The following CHD4 variants were observed in gnomAD, a reference collection of about 807,000 sequenced individuals.
The protein encoded by CHD4 is ATP-dependent chromatin remodeler CHD4.
A neutral mutation model predicts 235.5 loss-of-function variants in CHD4; 35 were observed. The observed-to-expected ratio is 0.15, with a 90% CI of 0.11 to 0.20. CHD4 has a LOEUF of 0.20. Among genes scored for constraint, CHD4 ranks in the 10% least tolerant of loss-of-function variants. CHD4 has a pLI of 1.00. For synonymous variants in CHD4, 900 were observed against 850.2 expected, an observed-to-expected ratio of 1.06 and a Z score of -1.02; for missense variants, 1,329 against 2,432.3, an observed-to-expected ratio of 0.55 and a Z score of 9.54.
chr12:6,606,680 A>C, intron 1 of CHD4: 1 of 267,844 alleles, frequency 3.7e-6, no homozygotes. Context: ...GGCTGGTGCA[A>C]GCGCGGGGAG....
Position 6,581,279 on chromosome 12 carries a change from C to A in CHD4, c.4779+12G>T. On this transcript the variant is annotated intron_variant, in intron 32 of 39. Coordinates refer to ENST00000544040, the MANE Select transcript of CHD4 (RefSeq NM_001273.5). Reference sequence around the variant, plus strand: ...TGTCTTTAGTATGGCATTCAGTCACCCCATCTCTTACCTCAATGGCAGTCT... The same window carrying A: ...TGTCTTTAGTATGGCATTCAGTCACACCATCTCTTACCTCAATGGCAGTCT... 1.9e-6 allele frequency: 3 copies of A among 1,613,986 alleles called. No homozygotes were observed. The South Asian group carries it at 3.3e-5, about 18-fold the overall frequency.
chr12:6,587,058 CT>C (rs1202473398), intron 25 of CHD4: 3 of 247,398 alleles, frequency 1.2e-5, no homozygotes, highest in Non-Finnish European at 7.8e-6. Flanking sequence ...CTAGGATCTT[CT>C]GCCTTTTCTC....
chr12:6,601,604 C>A (rs1020801232), intron 5 of CHD4, 44 bp downstream of exon 5: 6 of 1,613,362 alleles, frequency 3.7e-6, no homozygotes, highest in Non-Finnish European at 5.1e-6. Flanking sequence ...GAAGAGAGAA[C>A]AGAAAGATTC....
Position 6,594,624 on chromosome 12 carries a change from T to C in CHD4, c.2148A>G (p.Pro716=). 5.6e-6 allele frequency: 9 copies of C among 1,613,716 alleles called. No homozygotes were observed. Among genetic ancestry groups the C allele is most frequent in the Non-Finnish European group, 7.6e-6 (9 of 1,179,834 alleles). ...VDPTVKYERQ[P]EYLDATGGTL... is the part of the protein sequence containing the mutation. ...TTCCACCTGTAGCATCCAGGTACTC[T>C]GGCTGTCGCTCATACTTCACTGTTG... Residue 716 remains proline (P), a synonymous_variant, in exon 15 of 40, where the codon CCA becomes CCG. Coordinates refer to ENST00000544040, the MANE Select transcript of CHD4 (RefSeq NM_001273.5).
chr12:6,599,153 C>T (rs1423599465), intron 10 of CHD4, among the ~76,000 whole-genome samples: 1 of 152,204 alleles, frequency 6.6e-6, no homozygotes, highest in Non-Finnish European at 1.5e-5. Context: ...TCTAAACTGG[C>T]TGGCATGGTG....
At chr12:6,595,221 C>G (rs1948466995) in intron 14 of CHD4, 113 bp downstream of exon 14, 1 of 864,306 alleles carries the variant, frequency 1.2e-6, no homozygotes, top group South Asian at 1.7e-5. Context: ...GTGAAGTAAT[C>G]TCAGCTACAA....
chr12:6,603,570 G>GA (rs941042486), intron 2 of CHD4, among the ~76,000 whole-genome samples: 2 of 151,670 alleles, frequency 1.3e-5, no homozygotes, highest in Non-Finnish European at 2.9e-5. Flanking sequence ...GGGTGGCGGG[G>GA]GGGGAGACTG....
At chr12:6,572,294 C>T (rs1947986939) in intron 38 of CHD4, among the ~76,000 whole-genome samples, 2 of 138,776 alleles carry the variant, frequency 1.4e-5, no homozygotes, top group Admixed American at 1.4e-4. Flanking sequence ...CAAGTGGTGG[C>T]GCATGCCTGT....
At chr12:6,596,861 G>C (rs901244508) in intron 12 of CHD4, among the ~76,000 whole-genome samples, 2 of 151,920 alleles carry the variant, frequency 1.3e-5, no homozygotes, top group African/African-American at 4.8e-5. Flanking sequence ...TCTGGAGGCT[G>C]AGGCAGAGAA....
rs2136213431 is a variant in CHD4 at position 6,591,515 on chromosome 12, A to G, written c.3291T>C (p.Asp1097=). The G allele has an allele frequency of 6.8e-6, 11 of 1,614,264 alleles. No individual in the cohort carries two copies. Among genetic ancestry groups the G allele is most frequent in the Non-Finnish European group, 9.3e-6 (11 of 1,180,048 alleles). ...EHEGYKYERI[D]GGITGNMRQE... is the part of the protein sequence containing the mutation. The stretch of plus-strand genomic sequence containing the variant: ...GCCGCATGTTCCCAGTGATTCCACC[A>G]TCGATGCGTTCGTATTTATAACCTT... Residue 1097 remains aspartate, a synonymous_variant, in exon 22 of 40, where the codon GAT becomes GAC. Coordinates refer to ENST00000544040, the MANE Select transcript of CHD4 (RefSeq NM_001273.5).
intron 33 of CHD4, chr12:6,580,415 T>C (rs1948159809): frequency 1.3e-5 from 2 of 152,094 alleles, no homozygotes; most frequent in African/African-American, 4.9e-5. Context: ...TAGTGCTTAA[T>C]ATGGATACCG....
intron 6 of CHD4, 38 bp downstream of exon 6, chr12:6,601,251 C>G: frequency 1.2e-6 from 2 of 1,604,514 alleles, no homozygotes; most frequent in Non-Finnish European, 1.7e-6. Flanking sequence ...CTTAAGCCCA[C>G]ACTAGACACC....
At chr12:6,605,599 T>C (rs1948680442) in intron 2 of CHD4, among the ~76,000 whole-genome samples, 1 of 152,112 alleles carries the variant, frequency 6.6e-6, no homozygotes, top group Admixed American at 6.5e-5. Context: ...GCCAAAACTA[T>C]GTCCACTCAC....
At chr12:6,597,754 G>A in intron 12 of CHD4, 140 bp downstream of exon 12, 1 of 737,064 alleles carries the variant, frequency 1.4e-6, no homozygotes. Context: ...CACAGAGTGA[G>A]ACTCTGTCTC....
Position 6,595,346 on chromosome 12 carries a change from CG to C in CHD4, c.2108del (p.Thr703SerfsTer8). ...CACCCCCACTCACATCAACTGTTGG[CG>C]TTTCTGGAGGCCTCTCCAACTTCCG... is the stretch of plus-strand genomic sequence containing the variant. ...KLRKLERPPE[T>X]PTVDPTVKYE... On this transcript the variant is annotated frameshift_variant, in exon 14 of 40. Coordinates refer to ENST00000544040, the MANE Select transcript of CHD4 (RefSeq NM_001273.5). LOFTEE classifies it high-confidence loss of function. 6.2e-7 allele frequency: 1 copy of C among 1,613,904 alleles called. No homozygotes were observed. Among genetic ancestry groups the C allele is most frequent in the Non-Finnish European group, 8.5e-7 (1 of 1,179,814 alleles).
intron 2 of CHD4, among the ~76,000 whole-genome samples, chr12:6,605,530 T>A (rs1948677950): frequency 6.6e-6 from 1 of 152,014 alleles, no homozygotes; most frequent in Non-Finnish European, 1.5e-5. Flanking sequence ...CACAGACACT[T>A]CACACTGCCA....
intron 33 of CHD4, chr12:6,580,581 C>G (rs750104158): frequency 6.3e-6 from 1 of 158,006 alleles, no homozygotes; most frequent in African/African-American, 2.4e-5. Flanking sequence ...GTGGTACATG[C>G]CTGTAATCCC....
At chr12:6,587,181 G>A in intron 25 of CHD4, 1 of 578,096 alleles carries the variant, frequency 1.7e-6, no homozygotes, top group Non-Finnish European at 3.0e-6. Flanking sequence ...ATGATATTTG[G>A]TTGTAAGTTT....
At chr12:6,597,856 C>G in intron 12 of CHD4, 38 bp downstream of exon 12, 3 of 1,568,360 alleles carry the variant, frequency 1.9e-6, no homozygotes, top group Non-Finnish European at 2.6e-6. Context: ...AGGACTCTCC[C>G]ACGGAGACTG....
Sources: allele counts gnomAD v4.1 joint callset (sites outside exome capture counted in the v4.1 genomes callset), GRCh38; gene constraint gnomAD v4.1.1; transcripts MANE v1.5; gene names NCBI Gene and HGNC (gene_info 2026-07-23, HGNC 2026-07-21).